DDR2: variants seen among roughly 807,000 people sequenced by gnomAD.
The protein encoded by DDR2 is discoidin domain receptor tyrosine kinase 2.
DDR2 carries 27 observed loss-of-function variants against 94.9 expected under a neutral mutation model. That is an observed-to-expected ratio of 0.28 (90% CI 0.21 to 0.39). The LOEUF is 0.39. Ranked by LOEUF, DDR2 falls within the 10% of genes least tolerant of loss-of-function variation. The pLI is 1.00. For synonymous variants in DDR2, 382 were observed against 377.2 expected (o/e 1.01, Z -0.15); for missense variants, 783 against 1,076.0 (o/e 0.73, Z 3.81).
chr1:162,752,307 A>T (rs1663252083), intron 3 of DDR2, among the ~76,000 whole-genome samples: 2 of 152,238 alleles, frequency 1.3e-5, no homozygotes, highest in Admixed American at 1.3e-4. Flanking sequence ...GAAATTCTCC[A>T]GGCTCTGCCT....
chr1:162,732,782 G>A (rs1052063355), intron 3 of DDR2, among the ~76,000 whole-genome samples: 2 of 152,224 alleles, frequency 1.3e-5, no homozygotes, highest in African/African-American at 2.4e-5. Flanking sequence ...ACTCATTGAC[G>A]GGGAGCCCGT....
intron 2 of DDR2, among the ~76,000 whole-genome samples, chr1:162,657,438 A>T (rs953774573): frequency 6.6e-6 from 1 of 152,174 alleles, no homozygotes; most frequent in Non-Finnish European, 1.5e-5. Context: ...TCAGCATCCA[A>T]TCTGGAGAAC....
chr1:162,633,308 T>C (rs1320140765), intron 1 of DDR2, among the ~76,000 whole-genome samples: 2 of 152,172 alleles, frequency 1.3e-5, no homozygotes, highest in Non-Finnish European at 2.9e-5. Flanking sequence ...AGTCCTGGCC[T>C]AGGTTCAAGA....
chr1:162,730,276 G>A (rs1422667109), intron 3 of DDR2, among the ~76,000 whole-genome samples: 1 of 152,064 alleles, frequency 6.6e-6, no homozygotes, highest in African/African-American at 2.4e-5. Context: ...TAGAGAACTG[G>A]GAGAGCCCAT....
At chr1:162,745,780 T>G (rs1001897778) in intron 3 of DDR2, among the ~76,000 whole-genome samples, 2 of 152,236 alleles carry the variant, frequency 1.3e-5, no homozygotes, top group Non-Finnish European at 2.9e-5. Flanking sequence ...TTTTTCAACA[T>G]TGCTTTGGAT....
At chr1:162,718,892 T>C in intron 2 of DDR2, 145 bp from the exon 3 acceptor site, 1 of 739,822 alleles carries the variant, frequency 1.4e-6, no homozygotes. Flanking sequence ...CCAAAGTCTG[T>C]GATTCGAAGT....
At chr1:162,703,097 A>C (rs1226489292) in intron 2 of DDR2, among the ~76,000 whole-genome samples, 1 of 152,268 alleles carries the variant, frequency 6.6e-6, no homozygotes, top group Non-Finnish European at 1.5e-5. Flanking sequence ...AGCATAAAAT[A>C]TAACTAGGAA....
At position 162,755,250 on chromosome 1, in the gene DDR2, A is replaced by G. The variant is rs149052593; in HGVS notation, c.512A>G (p.Asp171Gly). 1.4e-5 allele frequency: 22 copies of G among 1,613,902 alleles called. No individual in the cohort carries two copies. The African/African-American group carries it at 2.8e-4, about 21-fold the overall frequency. Residue 171 changes from aspartate to glycine, a missense_variant, in exon 6 of 18, where the codon GAC (aspartate) becomes GGC (glycine). Asp to Gly is a moderately conservative substitution (Grantham distance 94). This residue lies in a region of DDR2 where 519 missense variants were observed against 647.9 expected (regional missense o/e 0.80). Transcript: ENST00000367921. ...ARFVRFIPVT[D>G]HSMNVCMRVE... Reference sequence around the variant, plus strand: ...TTTGTCCGGTTCATTCCAGTCACCGACCACTCCATGAATGTGTGTATGAGA... The same window carrying G: ...TTTGTCCGGTTCATTCCAGTCACCGGCCACTCCATGAATGTGTGTATGAGA...
intron 3 of DDR2, among the ~76,000 whole-genome samples, chr1:162,750,751 C>T (rs1199380959): frequency 2.6e-5 from 4 of 152,198 alleles, no homozygotes; most frequent in Non-Finnish European, 5.9e-5. Context: ...AACTATACTA[C>T]AAGGCTACAG....
At chr1:162,643,332 T>C (rs7524537) in intron 1 of DDR2, among the ~76,000 whole-genome samples, 29,797 of 152,124 alleles carry the variant, frequency 0.2, 3,360 homozygotes, top group Admixed American at 0.3. Context: ...CTACAAAATA[T>C]ATTCTAACAA....
In DDR2 at chr1:162,782,095, C is replaced by T. The variant is rs1647933661; in HGVS notation, c.*1849C>T. 1 of 152,226 alleles carries T rather than the reference C, an allele frequency of 6.6e-6. No homozygotes were observed. Among genetic ancestry groups the T allele is most frequent in the African/African-American group, 2.4e-5 (1 of 41,452 alleles). 9.4% of individuals were successfully genotyped at this position (152,226 alleles called of 1,614,324 possible). A position where few individuals can be genotyped will look rare whatever the true frequency, so the allele number is the denominator to read the frequency against. On this transcript the variant is annotated 3_prime_UTR_variant, in exon 18 of 18. Coordinates refer to ENST00000367921, the MANE Select transcript of DDR2 (RefSeq NM_006182.4). The stretch of plus-strand genomic sequence containing the variant: ...CTTTGGGCTTTAGTCTATCCCAGGA[C>T]TAACTGTGGAGAAATCATTGGTTTG...
At chr1:162,742,857 G>T (rs1236624458) in intron 3 of DDR2, among the ~76,000 whole-genome samples, 1 of 152,114 alleles carries the variant, frequency 6.6e-6, no homozygotes, top group African/African-American at 2.4e-5. Flanking sequence ...AGAAAATGAA[G>T]AAGAAGCAAA....
rs1363033235 is a variant in DDR2, at chr1:162,780,833, T to A, written c.*587T>A. The A allele has an allele frequency of 6.5e-6, 1 of 153,948 alleles. No homozygotes were observed. Among genetic ancestry groups the A allele is most frequent in the African/African-American group, 2.4e-5 (1 of 41,438 alleles). 9.5% of individuals were successfully genotyped at this position (153,948 alleles called of 1,614,324 possible). On this transcript the variant is annotated 3_prime_UTR_variant, in exon 18 of 18. Transcript: ENST00000367921. ...TGATATATTCTTGAAAACCCCCAAT[T>A]TCTTGAAATGGGTGTTCTGTTCATT... is the stretch of plus-strand genomic sequence containing the variant.
intron 3 of DDR2, among the ~76,000 whole-genome samples, chr1:162,735,824 T>C (rs1158576359): frequency 6.6e-6 from 1 of 152,268 alleles, no homozygotes; most frequent in Non-Finnish European, 1.5e-5. Flanking sequence ...AACTCCTTAG[T>C]TGCCATTCTC....
intron 2 of DDR2, among the ~76,000 whole-genome samples, chr1:162,682,201 G>T (rs1317440591): frequency 1.3e-5 from 2 of 152,198 alleles, no homozygotes; most frequent in African/African-American, 4.8e-5. Flanking sequence ...GCTGGACACT[G>T]CTGCTCTGTT....
intron 14 of DDR2, among the ~76,000 whole-genome samples, chr1:162,775,172 A>G (rs527679156): frequency 7.2e-4 from 110 of 152,300 alleles, no homozygotes; most frequent in African/African-American, 2.5e-3. Context: ...CAGTATGAGA[A>G]AATAAAGAGT....
intron 2 of DDR2, among the ~76,000 whole-genome samples, chr1:162,701,900 A>G (rs1660448632): frequency 6.6e-6 from 1 of 152,152 alleles, no homozygotes; most frequent in Non-Finnish European, 1.5e-5. Context: ...GTCCCAGTGT[A>G]GTTTTCTTTT....
chr1:162,632,022 G>A (rs1656581389), upstream of DDR2: 1 of 151,824 alleles, frequency 6.6e-6, no homozygotes, highest in Non-Finnish European at 1.5e-5. Flanking sequence ...CTCCGCGTGT[G>A]TGCCCCAACT....
intron 10 of DDR2, among the ~76,000 whole-genome samples, chr1:162,766,878 A>G (rs1208320482): frequency 1.3e-5 from 2 of 152,006 alleles, no homozygotes; most frequent in Non-Finnish European, 2.9e-5. Flanking sequence ...CTAAAGATAC[A>G]AAAATTAGCC....
Sources: allele counts gnomAD v4.1 joint callset (sites outside exome capture counted in the v4.1 genomes callset), GRCh38; gene constraint gnomAD v4.1.1; regional missense constraint gnomAD v4.1.1; transcripts MANE v1.5; gene names NCBI Gene and HGNC (gene_info 2026-07-23, HGNC 2026-07-21).